The following TUSC3 variants were observed in gnomAD, a reference collection of about 807,000 sequenced individuals.
TUSC3 encodes dolichyl-diphosphooligosaccharide--protein glycosyltransferase subunit TUSC3.
In TUSC3, 45 loss-of-function variants were observed where a neutral mutation model predicts 44.8. The observed-to-expected ratio is 1.00, with a 90% CI of 0.79 to 1.29. The LOEUF is 1.29. Among genes scored for constraint, TUSC3 ranks in the 50% most tolerant of loss-of-function variants. TUSC3 has a pLI of 0.00. For synonymous variants in TUSC3, 212 were observed against 152.9 expected (o/e 1.39, Z -2.85); for missense variants, 519 against 437.9 (o/e 1.19, Z -1.65).
rs1212685165 is a variant in TUSC3, at chr8:15,764,305, T to C, written c.*149T>C. On this transcript the variant is annotated 3_prime_UTR_variant, in exon 11 of 11. Coordinates refer to ENST00000503731, the MANE Select transcript of TUSC3 (RefSeq NM_006765.4). ...TACTATTTTGAATTCATTCATTTCATTGTGATCAGCTAGCTTATTCTTGTG... is the reference window on the plus strand; with the variant it reads ...TACTATTTTGAATTCATTCATTTCACTGTGATCAGCTAGCTTATTCTTGTG... 14 of 1,403,992 alleles carry C rather than the reference T, an allele frequency of 1.0e-5. No homozygotes were observed. In the East Asian group the frequency reaches 3.0e-4, roughly 30 times the overall value. 87.0% of individuals were successfully genotyped at this position (1,403,992 alleles called of 1,614,324 possible).
rs1812304973 is a variant in TUSC3, at chr8:15,765,574, T to C, written c.*1418T>C. ...TTTATCAAGTTATATCCCAGGGCAA[T>C]GTGTATGCTAGCAGGATGAATGCTA... On this transcript the variant is annotated 3_prime_UTR_variant, in exon 11 of 11. Coordinates refer to ENST00000503731, the MANE Select transcript of TUSC3 (RefSeq NM_006765.4). 1 of 152,026 alleles carries C rather than the reference T, an allele frequency of 6.6e-6. No individual in the cohort carries two copies. The highest frequency in any genetic ancestry group is 1.5e-5 in the Non-Finnish European group (1 of 67,952). 9.4% of individuals were successfully genotyped at this position (152,026 alleles called of 1,614,324 possible).
chr8:15,771,379 A>G (rs909861591), downstream of TUSC3, among the ~76,000 whole-genome samples: 8 of 152,224 alleles, frequency 5.3e-5, no homozygotes, highest in African/African-American at 1.9e-4. Flanking sequence ...GAATAGCCAA[A>G]GGATTATTGA....
At chr8:15,473,507 G>C (rs1270096357) in intron 1 of TUSC3, among the ~76,000 whole-genome samples, 7 of 152,142 alleles carry the variant, frequency 4.6e-5, no homozygotes, top group Non-Finnish European at 1.0e-4. Flanking sequence ...AAAGTATTGG[G>C]GGAACCCACC....
intron 1 of TUSC3, among the ~76,000 whole-genome samples, chr8:15,435,954 G>A (rs1255896742): frequency 2.6e-5 from 4 of 152,156 alleles, no homozygotes; most frequent in Non-Finnish European, 1.5e-5. Flanking sequence ...AGCTTTGTCT[G>A]GGGAGTCTTT....
chr8:15,537,265 C>T (rs1249713197), upstream of TUSC3, among the ~76,000 whole-genome samples: 2 of 152,176 alleles, frequency 1.3e-5, no homozygotes, highest in Admixed American at 6.5e-5. Context: ...CTCCACCAAT[C>T]GTCAGTCAGA....
the TUSC3 span, among the ~76,000 whole-genome samples, chr8:15,824,487 G>C: frequency 5.3e-5 from 8 of 151,130 alleles, no homozygotes; most frequent in Non-Finnish European, 1.0e-4. Flanking sequence ...TTTTATGGCT[G>C]CTCAGCAAAC....
At position 15,540,527 on chromosome 8, in the gene TUSC3, C is replaced by T; in HGVS notation, c.97C>T (p.Leu33=). 1 of 1,605,842 alleles carries T rather than the reference C, an allele frequency of 6.2e-7. No homozygotes were observed. Among genetic ancestry groups the T allele is most frequent in the Non-Finnish European group, 8.5e-7 (1 of 1,176,806 alleles). The change falls in exon 1 of 11, where the codon CTG becomes TTG. Residue 33 remains leucine (L), a synonymous_variant. Transcript: ENST00000503731. ...GSFPFLLLLL[L]LCIQLGGGQK... ...CTTTCCCTTCCTTCTCCTGCTGCTG[C>T]TGCTCTGCATCCAGCTCGGGGGAGG...
intron 2 of TUSC3, among the ~76,000 whole-genome samples, chr8:15,517,522 CAAAAAAAAAAAAAAAAAA>C (rs71211049): frequency 0.54 from 42,429 of 78,544 alleles, 9,064 homozygotes; most frequent in Middle Eastern, 0.61. Flanking sequence ...TAGCGTGAGG[CAAAAAAAAAAAAAAAAAA>C]AAAAAAAAAA....
chr8:15,705,041 A>C, intron 6 of TUSC3, among the ~76,000 whole-genome samples: 1 of 151,436 alleles, frequency 6.6e-6, no homozygotes, highest in South Asian at 2.1e-4. Flanking sequence ...CCTTTATTTT[A>C]TTAGGGTATT....
intron 1 of TUSC3, among the ~76,000 whole-genome samples, chr8:15,482,291 G>C (rs1419556641): frequency 6.6e-6 from 1 of 152,062 alleles, no homozygotes; most frequent in Non-Finnish European, 1.5e-5. Context: ...TGTGAGGGTT[G>C]GAATCAACTT....
the TUSC3 span, among the ~76,000 whole-genome samples, chr8:15,830,551 G>T: frequency 3.3e-5 from 5 of 152,232 alleles, no homozygotes; most frequent in East Asian, 9.7e-4. Flanking sequence ...AATGTGATGT[G>T]TATATACCAT....
chr8:15,732,845 C>G (rs1382808454), intron 7 of TUSC3, among the ~76,000 whole-genome samples: 1 of 152,156 alleles, frequency 6.6e-6, no homozygotes, highest in Admixed American at 6.6e-5. Flanking sequence ...GTGTCTGTCT[C>G]CATTCTCAAC....
At chr8:15,695,045 T>A (rs1009619401) in intron 6 of TUSC3, among the ~76,000 whole-genome samples, 9 of 152,150 alleles carry the variant, frequency 5.9e-5, no homozygotes, top group Non-Finnish European at 1.3e-4. Context: ...GCATGTGCCC[T>A]CCATTCACAC....
intron 1 of TUSC3, among the ~76,000 whole-genome samples, chr8:15,444,032 T>C (rs1294619501): frequency 6.6e-6 from 1 of 152,184 alleles, no homozygotes; most frequent in Non-Finnish European, 1.5e-5. Flanking sequence ...TAAGTAGTAA[T>C]AAAACCCTGG....
chr8:15,643,079 A>G (rs1273600199), intron 2 of TUSC3, among the ~76,000 whole-genome samples: 1 of 152,188 alleles, frequency 6.6e-6, no homozygotes, highest in African/African-American at 2.4e-5. Flanking sequence ...GAGTCCTCAC[A>G]TGACCTGATG....
intron 2 of TUSC3, among the ~76,000 whole-genome samples, chr8:15,517,343 G>A (rs963825451): frequency 1.3e-5 from 2 of 151,790 alleles, no homozygotes; most frequent in Admixed American, 6.6e-5. Context: ...ACCTCATCAC[G>A]CTGAATTACA....
intron 1 of TUSC3, among the ~76,000 whole-genome samples, chr8:15,444,514 A>G (rs766287070): frequency 2.0e-4 from 30 of 152,192 alleles, no homozygotes; most frequent in Non-Finnish European, 4.4e-4. Context: ...ATGAGACATT[A>G]CCTGGGGATG....
the TUSC3 span, among the ~76,000 whole-genome samples, chr8:15,840,548 A>G: frequency 6.6e-6 from 1 of 152,156 alleles, no homozygotes; most frequent in East Asian, 1.9e-4. Context: ...TAGTGAAAGA[A>G]TAAGATGCTA....
intron 6 of TUSC3, among the ~76,000 whole-genome samples, chr8:15,691,650 A>T (rs1049563525): frequency 6.6e-6 from 1 of 152,114 alleles, no homozygotes; most frequent in African/African-American, 2.4e-5. Flanking sequence ...TGGGTTTTTC[A>T]TAGAGGGCTG....
Sources: allele counts gnomAD v4.1 joint callset (sites outside exome capture counted in the v4.1 genomes callset), GRCh38; gene constraint gnomAD v4.1.1; transcripts MANE v1.5; gene names NCBI Gene and HGNC (gene_info 2026-07-23, HGNC 2026-07-21).